Variants in CCDC178 observed in about 807,000 individuals in gnomAD.
CCDC178 encodes coiled-coil domain containing 178.
Under a neutral mutation model 117.4 loss-of-function variants are expected in CCDC178, and 126 were observed. The ratio of observed to expected loss-of-function variants is 1.07; its 90% CI spans 0.93 to 1.24. The LOEUF (loss-of-function observed/expected upper bound fraction) is 1.24. Among genes scored for constraint, CCDC178 ranks in the 50% most tolerant of loss-of-function variants. CCDC178 has a pLI of 0.00. For missense variants in CCDC178, 1,030 were observed against 986.9 expected (o/e 1.04, Z -0.59); for synonymous variants, 283 against 313.4 (o/e 0.90, Z 1.02).
intron 2 of CCDC178, among the ~76,000 whole-genome samples, chr18:33,415,265 G>A (rs929941549): frequency 5.9e-5 from 9 of 152,050 alleles, no homozygotes; most frequent in Admixed American, 2.6e-4. Flanking sequence ...TGTTTATTGC[G>A]GCACTATTCA....
Position 33,333,354 on chromosome 18 carries a change from C to A in CCDC178, c.699G>T (p.Trp233Cys). Reference sequence around the variant, plus strand: ...GTTGATTAGCTTTATCTTCAAGATGCCATTGTAATTCTATAACATCACTCA... The same window carrying A: ...GTTGATTAGCTTTATCTTCAAGATGACATTGTAATTCTATAACATCACTCA... Reference protein sequence around the residue: ...AYLSDVIELQWHLEDKANQLQ... With the variant: ...AYLSDVIELQCHLEDKANQLQ... The change falls in exon 10 of 23, where the codon TGG becomes TGT. Residue 233 changes from tryptophan to cysteine, a missense_variant. Physicochemically the swap from Trp to Cys is radical, Grantham distance 215. Coordinates refer to ENST00000383096, the MANE Select transcript of CCDC178 (RefSeq NM_001105528.4). The A allele has an allele frequency of 6.2e-7, 1 of 1,610,496 alleles. No homozygotes were observed. The highest frequency in any genetic ancestry group is 8.5e-7 in the Non-Finnish European group (1 of 1,178,606).
chr18:32,989,628 G>T (rs2055346272), intron 21 of CCDC178, among the ~76,000 whole-genome samples: 1 of 152,122 alleles, frequency 6.6e-6, no homozygotes, highest in East Asian at 1.9e-4. Context: ...TATGGAATTT[G>T]CATGTCATAT....
intron 4 of CCDC178, among the ~76,000 whole-genome samples, chr18:33,395,393 A>G (rs2063621836): frequency 6.6e-6 from 1 of 152,006 alleles, no homozygotes; most frequent in African/African-American, 2.4e-5. Flanking sequence ...AAATTTGGAT[A>G]ACAATTGGCT....
intron 21 of CCDC178, among the ~76,000 whole-genome samples, chr18:33,084,808 C>CT (rs1310979403): frequency 2.8e-5 from 4 of 144,168 alleles, no homozygotes; most frequent in Non-Finnish European, 4.5e-5. Context: ...GAGGCCCCGT[C>CT]TCAAAAAAAA....
Position 33,229,173 on chromosome 18 carries a change from T to C in CCDC178, c.1594-2318A>G, listed in dbSNP as rs575562563. On this transcript the variant is annotated intron_variant, in intron 15 of 22. Transcript: ENST00000383096. ...GACAGAAACATAGGCTGAGCTGCCATAGACTCCCAACAACAACCTCGATCA... is the reference window on the plus strand; with the variant it reads ...GACAGAAACATAGGCTGAGCTGCCACAGACTCCCAACAACAACCTCGATCA... Among the ~76,000 whole-genome samples the C allele has an allele frequency of 1.3e-4, 20 of 152,236 alleles. No individual in the cohort carries two copies. In the South Asian group the frequency reaches 3.3e-3, roughly 25 times the overall value.
intron 20 of CCDC178, among the ~76,000 whole-genome samples, chr18:33,207,580 G>A (rs760734441): frequency 1.3e-5 from 2 of 150,746 alleles, no homozygotes; most frequent in African/African-American, 2.4e-5. Context: ...TATGTTCATT[G>A]GGTATTAGCA....
chr18:32,978,824 G>C (rs2055082038), intron 21 of CCDC178, among the ~76,000 whole-genome samples: 1 of 152,114 alleles, frequency 6.6e-6, no homozygotes, highest in Admixed American at 6.5e-5. Flanking sequence ...ATCACCTGAG[G>C]TCAGGAGTTT....
intron 12 of CCDC178, among the ~76,000 whole-genome samples, chr18:33,277,720 C>A (rs1444397723): frequency 3.3e-5 from 5 of 152,112 alleles, no homozygotes; most frequent in Non-Finnish European, 5.9e-5. Flanking sequence ...ACTGGCTGAG[C>A]ACTTCTCATG....
intron 2 of CCDC178, among the ~76,000 whole-genome samples, chr18:33,419,335 A>G (rs2063991243): frequency 6.6e-6 from 1 of 152,224 alleles, no homozygotes; most frequent in Non-Finnish European, 1.5e-5. Flanking sequence ...AAGCTATAAA[A>G]ACCCTGGAAG....
At chr18:33,407,036 T>C (rs142803063) in intron 3 of CCDC178, among the ~76,000 whole-genome samples, 1 of 152,332 alleles carries the variant, frequency 6.6e-6, no homozygotes, top group East Asian at 1.9e-4. Context: ...AGCTGTTTCA[T>C]GACTAGAGGG....
chr18:33,195,200 G>C (rs465680), intron 20 of CCDC178, among the ~76,000 whole-genome samples: 2 of 151,446 alleles, frequency 1.3e-5, no homozygotes, highest in African/African-American at 4.9e-5. Flanking sequence ...CTATACTAAA[G>C]AAAAGTTTAG....
At chr18:33,339,185 TAA>T (rs1169351002) in intron 9 of CCDC178, among the ~76,000 whole-genome samples, 2 of 151,824 alleles carry the variant, frequency 1.3e-5, no homozygotes, top group East Asian at 3.9e-4. Context: ...ATCTAATTTA[TAA>T]AAAGAGAAAT....
intron 6 of CCDC178, among the ~76,000 whole-genome samples, chr18:33,365,804 G>C (rs1346231986): frequency 6.6e-6 from 1 of 151,922 alleles, no homozygotes; most frequent in Non-Finnish European, 1.5e-5. Flanking sequence ...TTACAGTCTA[G>C]GCAGTCTAAG....
At chr18:33,198,563 T>C (rs904526122) in intron 20 of CCDC178, among the ~76,000 whole-genome samples, 5 of 152,330 alleles carry the variant, frequency 3.3e-5, no homozygotes, top group Admixed American at 1.3e-4. Context: ...TTTTTAATTA[T>C]ATGAACAACC....
At chr18:33,440,231 G>A (rs1020882348) in intron 1 of CCDC178, 150 bp from the exon 2 acceptor site, 1 of 148,274 alleles carries the variant, frequency 6.7e-6, no homozygotes, top group Non-Finnish European at 1.5e-5. Flanking sequence ...CAGACAAGAC[G>A]AAGTTCCTCT....
intron 11 of CCDC178, among the ~76,000 whole-genome samples, chr18:33,319,432 C>G (rs7231054): frequency 1.3e-5 from 2 of 151,832 alleles, no homozygotes; most frequent in Non-Finnish European, 1.5e-5. Context: ...TTCTTAATCC[C>G]GTCCATCATT....
chr18:32,963,972 G>A (rs1337513705), intron 22 of CCDC178, among the ~76,000 whole-genome samples: 1 of 152,002 alleles, frequency 6.6e-6, no homozygotes, highest in East Asian at 1.9e-4. Context: ...TAATCAATAA[G>A]TACAGAATAA....
intron 9 of CCDC178, among the ~76,000 whole-genome samples, chr18:33,335,292 G>T (rs1462240596): frequency 6.6e-6 from 1 of 151,856 alleles, no homozygotes; most frequent in Non-Finnish European, 1.5e-5. Context: ...TCCCATACAT[G>T]TAATGATACT....
chr18:33,353,986 C>T (rs1365320729), intron 7 of CCDC178, among the ~76,000 whole-genome samples: 3 of 151,812 alleles, frequency 2.0e-5, no homozygotes, highest in Admixed American at 6.6e-5. Flanking sequence ...GCTAGTGATA[C>T]ACCCCTTTGG....
Sources: gnomAD v4.1 joint callset for allele counts (sites outside exome capture counted in the v4.1 genomes callset) on GRCh38, gnomAD v4.1.1 for gene constraint, MANE v1.5 for transcripts, NCBI Gene and HGNC (gene_info 2026-07-23, HGNC 2026-07-21) for gene names.